Variants in AGBL4 observed in about 807,000 individuals in gnomAD.
The protein encoded by AGBL4 is cytosolic carboxypeptidase 6.
Under a neutral mutation model 66.4 loss-of-function variants are expected in AGBL4, and 58 were observed. That is an observed-to-expected ratio of 0.87 (90% CI 0.71 to 1.09). The LOEUF (loss-of-function observed/expected upper bound fraction) is 1.09. Ranked by LOEUF, AGBL4 falls within the 50% of genes least tolerant of loss-of-function variation. The probability of loss-of-function intolerance (pLI) is 0.00; values close to 1 mark genes in which losing one functional copy is unlikely to be tolerated. For synonymous variants in AGBL4, 234 were observed against 222.9 expected (o/e 1.05, Z -0.44); for missense variants, 579 against 631.0 (o/e 0.92, Z 0.88).
chr1:48,715,081 G>GACAAA (rs1485780808), intron 6 of AGBL4, among the ~76,000 whole-genome samples: 2 of 152,304 alleles, frequency 1.3e-5, no homozygotes, highest in Non-Finnish European at 2.9e-5. Flanking sequence ...AGACAATGTG[G>GACAAA]ACAAGGACAA....
chr1:48,948,312 T>C (rs1656692278), intron 5 of AGBL4, among the ~76,000 whole-genome samples: 1 of 152,224 alleles, frequency 6.6e-6, no homozygotes, highest in Admixed American at 6.5e-5. Context: ...GCTCTCCCTT[T>C]GCTCTTGCTT....
intron 3 of AGBL4, among the ~76,000 whole-genome samples, chr1:49,489,609 C>A (rs1463694901): frequency 1.3e-5 from 2 of 151,782 alleles, no homozygotes; most frequent in Non-Finnish European, 2.9e-5. Context: ...AAATCTTTGC[C>A]CAGTCCAATG....
chr1:49,720,842 C>A (rs1474421898), intron 2 of AGBL4, among the ~76,000 whole-genome samples: 1 of 152,076 alleles, frequency 6.6e-6, no homozygotes, highest in Non-Finnish European at 1.5e-5. Context: ...TCCGGGGTTG[C>A]AAGACTTGCA....
At chr1:49,245,145 T>C (rs900772254) in intron 4 of AGBL4, among the ~76,000 whole-genome samples, 1 of 151,484 alleles carries the variant, frequency 6.6e-6, no homozygotes, top group Non-Finnish European at 1.5e-5. Flanking sequence ...GAGGTAGTTA[T>C]TATTACTAGT....
At chr1:49,551,999 C>T (rs77685932) in intron 3 of AGBL4, among the ~76,000 whole-genome samples, 2,322 of 152,186 alleles carry the variant, frequency 0.015, 24 homozygotes, top group Non-Finnish European at 0.023. Flanking sequence ...GGGTGAGGTT[C>T]CCAGGTCGAT....
At chr1:49,370,419 A>G (rs1241652290) in intron 3 of AGBL4, among the ~76,000 whole-genome samples, 1 of 152,024 alleles carries the variant, frequency 6.6e-6, no homozygotes, top group Non-Finnish European at 1.5e-5. Flanking sequence ...TATGGTCTTG[A>G]GCTGAATTCC....
intron 3 of AGBL4, among the ~76,000 whole-genome samples, chr1:49,309,764 T>C (rs958928421): frequency 5.3e-5 from 8 of 152,216 alleles, no homozygotes; most frequent in South Asian, 2.1e-4. Context: ...TAAGTGACTA[T>C]CAAATCTAAT....
chr1:48,862,517 T>G (rs1360586984), intron 6 of AGBL4, among the ~76,000 whole-genome samples: 2 of 152,060 alleles, frequency 1.3e-5, no homozygotes, highest in Non-Finnish European at 2.9e-5. Context: ...GAGACAGGGC[T>G]TCACCGTGTT....
intron 2 of AGBL4, among the ~76,000 whole-genome samples, chr1:49,813,898 T>C (rs1288044763): frequency 6.6e-6 from 1 of 152,106 alleles, no homozygotes; most frequent in East Asian, 1.9e-4. Context: ...AGGCACCCAG[T>C]GGGAGGTAAC....
intron 3 of AGBL4, among the ~76,000 whole-genome samples, chr1:49,301,608 C>T (rs534826765): frequency 6.6e-6 from 1 of 152,288 alleles, no homozygotes. Flanking sequence ...TTAAACAATA[C>T]CTAGTCATCG....
intron 5 of AGBL4, among the ~76,000 whole-genome samples, chr1:48,872,020 A>T (rs1174542450): frequency 6.6e-6 from 1 of 152,156 alleles, no homozygotes; most frequent in East Asian, 1.9e-4. Flanking sequence ...TAAAATTTTC[A>T]TAATTATGAA....
At chr1:48,957,103 CAG>C (rs1034050091) in intron 5 of AGBL4, among the ~76,000 whole-genome samples, 13 of 152,064 alleles carry the variant, frequency 8.5e-5, no homozygotes, top group African/African-American at 3.1e-4. Context: ...TTTTATATAA[CAG>C]GGGTAAACAC....
chr1:48,820,770 A>G (rs568176441), intron 6 of AGBL4, among the ~76,000 whole-genome samples: 3 of 152,206 alleles, frequency 2.0e-5, no homozygotes, highest in Non-Finnish European at 2.9e-5. Flanking sequence ...TTAATAAATG[A>G]TAAAGTTTCT....
Position 48,761,722 on chromosome 1 carries a change from GGGGTTTCTCTA to G in AGBL4, c.635-98492_635-98482del, listed in dbSNP as rs532970598. 1.8e-3 allele frequency among the ~76,000 whole-genome samples: 279 copies of G among 152,306 alleles called. 1 individual carries two copies. The highest frequency in any genetic ancestry group is 3.0e-3 in the Non-Finnish European group (206 of 68,018). ...AAATAGCAGCCAGTGAATTTGCTTAGGGGTTTCTCTAAGTACATCCTAAAGGGTGGCCTTTT... is the reference window on the plus strand; with the variant it reads ...AAATAGCAGCCAGTGAATTTGCTTAGAGTACATCCTAAAGGGTGGCCTTTT... On this transcript the variant is annotated intron_variant, in intron 6 of 13. Coordinates refer to ENST00000371839, the MANE Select transcript of AGBL4 (RefSeq NM_032785.4).
chr1:49,499,350 A>G (rs1284250151), intron 3 of AGBL4, among the ~76,000 whole-genome samples: 2 of 152,076 alleles, frequency 1.3e-5, no homozygotes, highest in East Asian at 3.9e-4. Context: ...TATAATTACA[A>G]ATAAAATCCT....
chr1:49,933,578 C>A (rs1266067512), intron 1 of AGBL4, among the ~76,000 whole-genome samples: 1 of 151,922 alleles, frequency 6.6e-6, no homozygotes, highest in Non-Finnish European at 1.5e-5. Flanking sequence ...ATATTAAGAA[C>A]TATAAATTAC....
At chr1:48,777,428 C>G (rs1293186413) in intron 6 of AGBL4, among the ~76,000 whole-genome samples, 6 of 152,140 alleles carry the variant, frequency 3.9e-5, no homozygotes, top group Non-Finnish European at 4.4e-5. Context: ...ACCCGCGCCC[C>G]CAGCCCCGCA....
At chr1:48,587,517 A>T (rs1245719263) in intron 10 of AGBL4, among the ~76,000 whole-genome samples, 1 of 151,892 alleles carries the variant, frequency 6.6e-6, no homozygotes, top group African/African-American at 2.4e-5. Flanking sequence ...AGTCCCAGCT[A>T]CTTGGGAGGC....
chr1:48,948,411 T>C (rs1382097365), intron 5 of AGBL4, among the ~76,000 whole-genome samples: 1 of 152,202 alleles, frequency 6.6e-6, no homozygotes, highest in Non-Finnish European at 1.5e-5. Flanking sequence ...TGCCACTCTG[T>C]AGATGGTTTT....
Sources: gnomAD v4.1 joint callset for allele counts (sites outside exome capture counted in the v4.1 genomes callset) on GRCh38, gnomAD v4.1.1 for gene constraint, MANE v1.5 for transcripts, NCBI Gene and HGNC (gene_info 2026-07-23, HGNC 2026-07-21) for gene names.